The following CLNK variants were observed in gnomAD, a reference collection of about 807,000 sequenced individuals.
CLNK encodes the protein cytokine-dependent hematopoietic cell linker.
A neutral mutation model predicts 68.6 loss-of-function variants in CLNK; 74 were observed. The observed-to-expected ratio is 1.08, with a 90% CI of 0.89 to 1.31. CLNK has a LOEUF of 1.31. CLNK is among the 50% of genes most tolerant of loss of function. CLNK has a pLI of 0.00. For synonymous variants in CLNK, 198 were observed against 172.2 expected (o/e 1.15, Z -1.17); for missense variants, 553 against 515.3 (o/e 1.07, Z -0.71).
chr4:10,692,569 A>G, the CLNK span, among the ~76,000 whole-genome samples: 2 of 152,224 alleles, frequency 1.3e-5, no homozygotes, highest in Non-Finnish European at 2.9e-5. Context: ...TAAGATCCTA[A>G]GAAGGAGATT....
chr4:10,626,278 GC>G (rs1722671925), intron 2 of CLNK, among the ~76,000 whole-genome samples: 1 of 152,216 alleles, frequency 6.6e-6, no homozygotes, highest in Admixed American at 6.5e-5. Context: ...TCACCAGGAT[GC>G]CTGGATTTTA....
intron 2 of CLNK, among the ~76,000 whole-genome samples, chr4:10,624,515 A>G (rs1052303132): frequency 2.0e-5 from 3 of 149,398 alleles, no homozygotes; most frequent in African/African-American, 5.0e-5. Context: ...GATGGTCTCG[A>G]TCTCCTGACC....
At chr4:10,729,601 C>T in the CLNK span, among the ~76,000 whole-genome samples, 16 of 152,236 alleles carry the variant, frequency 1.1e-4, no homozygotes, top group South Asian at 3.3e-3. Flanking sequence ...TCAGCCATAA[C>T]AAAGAATGAA....
At chr4:10,541,813 A>T (rs745827717) in intron 10 of CLNK, among the ~76,000 whole-genome samples, 24 of 152,132 alleles carry the variant, frequency 1.6e-4, no homozygotes, top group Non-Finnish European at 4.4e-5. Flanking sequence ...CTGTGAATGA[A>T]TGAATAAATG....
At chr4:10,526,720 TC>T (rs1261000028) in intron 13 of CLNK, among the ~76,000 whole-genome samples, 10 of 152,162 alleles carry the variant, frequency 6.6e-5, no homozygotes, top group East Asian at 3.9e-4. Context: ...CTCAATTTTT[TC>T]CCCCCTCGAT....
the CLNK span, among the ~76,000 whole-genome samples, chr4:10,731,609 G>T: frequency 1.3e-5 from 2 of 152,146 alleles, no homozygotes; most frequent in Non-Finnish European, 2.9e-5. Flanking sequence ...CACTCATGTT[G>T]AATGTTTCTA....
chr4:10,508,373 T>C (rs1463904108), intron 16 of CLNK, among the ~76,000 whole-genome samples: 1 of 152,092 alleles, frequency 6.6e-6, no homozygotes, highest in African/African-American at 2.4e-5. Flanking sequence ...GGTGGAAATG[T>C]ATACTGTTTG....
intron 11 of CLNK, among the ~76,000 whole-genome samples, chr4:10,535,992 G>A (rs755375016): frequency 1.3e-5 from 2 of 152,152 alleles, no homozygotes; most frequent in Admixed American, 6.5e-5. Context: ...CTGGGGTGAC[G>A]TTTTCCTTTA....
chr4:10,504,076 C>A (rs1225600957), intron 17 of CLNK, among the ~76,000 whole-genome samples: 2 of 149,304 alleles, frequency 1.3e-5, no homozygotes, highest in East Asian at 2.0e-4. Context: ...CCATCGCGCC[C>A]GGCTCATTTG....
intron 8 of CLNK, among the ~76,000 whole-genome samples, chr4:10,557,438 A>G (rs905351916): frequency 6.6e-6 from 1 of 152,186 alleles, no homozygotes; most frequent in Non-Finnish European, 1.5e-5. Flanking sequence ...CCCCTCCCCA[A>G]GAAGTCTGCC....
chr4:10,723,754 G>A, the CLNK span, among the ~76,000 whole-genome samples: 1 of 152,074 alleles, frequency 6.6e-6, no homozygotes, highest in Admixed American at 6.6e-5. Context: ...ACACAGGTTT[G>A]TTGAAACAGC....
intron 11 of CLNK, among the ~76,000 whole-genome samples, chr4:10,537,694 C>CTTTCTTT (rs1560206942): frequency 2.4e-4 from 2 of 8,232 alleles, no homozygotes; most frequent in Admixed American, 1.2e-3. Flanking sequence ...TTCCTTCCTT[C>CTTTCTTT]CTTCCTTCCT....
intron 2 of CLNK, among the ~76,000 whole-genome samples, chr4:10,611,105 G>T (rs1204411765): frequency 6.6e-6 from 1 of 152,162 alleles, no homozygotes; most frequent in Admixed American, 6.5e-5. Flanking sequence ...AGATCATGAG[G>T]TCAGGAGATC....
chr4:10,657,318 A>G (rs1056817455), intron 2 of CLNK, among the ~76,000 whole-genome samples: 4 of 152,234 alleles, frequency 2.6e-5, no homozygotes, highest in Non-Finnish European at 4.4e-5. Context: ...TTTGCTTGTT[A>G]GGGGTGAGGA....
At chr4:10,683,924 G>A (rs4697778) in intron 1 of CLNK, among the ~76,000 whole-genome samples, 65,725 of 151,888 alleles carry the variant, frequency 0.43, 14,735 homozygotes, top group South Asian at 0.54. Context: ...GAAGCCAAAT[G>A]AGTAACACTG....
chr4:10,607,880 G>T (rs568959152), intron 2 of CLNK, among the ~76,000 whole-genome samples: 1 of 152,310 alleles, frequency 6.6e-6, no homozygotes, highest in East Asian at 1.9e-4. Context: ...ATAAGCCCTG[G>T]TTATTGAATC....
chr4:10,680,956 C>T (rs1330841880), intron 1 of CLNK, among the ~76,000 whole-genome samples: 2 of 151,762 alleles, frequency 1.3e-5, no homozygotes, highest in Admixed American at 1.3e-4. Flanking sequence ...TCGGGAGATC[C>T]CTAGACTTGC....
chr4:10,498,054 G>A (rs1006045011), intron 18 of CLNK, among the ~76,000 whole-genome samples: 1 of 152,208 alleles, frequency 6.6e-6, no homozygotes, highest in African/African-American at 2.4e-5. Context: ...AATTAGCTGG[G>A]CATGGTGGCG....
At chr4:10,543,898 C>T (rs981268282) in intron 8 of CLNK, among the ~76,000 whole-genome samples, 1 of 152,216 alleles carries the variant, frequency 6.6e-6, no homozygotes, top group Non-Finnish European at 1.5e-5. Context: ...CCAGGATCTA[C>T]TTCAACAACA....
Sources: gnomAD v4.1 joint callset for allele counts (sites outside exome capture counted in the v4.1 genomes callset) on GRCh38, gnomAD v4.1.1 for gene constraint, MANE v1.5 for transcripts, NCBI Gene and HGNC (gene_info 2026-07-23, HGNC 2026-07-21) for gene names.